The following RAD54B variants were observed in gnomAD, a reference collection of about 807,000 sequenced individuals.
RAD54B encodes the protein DNA repair and recombination protein RAD54B.
Under a neutral mutation model 95.8 loss-of-function variants are expected in RAD54B, and 78 were observed. The ratio of observed to expected loss-of-function variants is 0.81; its 90% CI spans 0.68 to 0.98. The LOEUF (loss-of-function observed/expected upper bound fraction) is 0.98. RAD54B is among the 50% of genes least tolerant of loss of function. The pLI is 0.00. For synonymous variants in RAD54B, 328 were observed against 354.9 expected, an observed-to-expected ratio of 0.92 and a Z score of 0.85; for missense variants, 957 against 1,056.6, an observed-to-expected ratio of 0.91 and a Z score of 1.31.
chr8:94,374,532 A>G (rs74552312), intron 14 of RAD54B, among the ~76,000 whole-genome samples: 264 of 152,330 alleles, frequency 1.7e-3, no homozygotes, highest in African/African-American at 6.1e-3. Flanking sequence ...TATGCTATTG[A>G]CAAGAGATAC....
intron 11 of RAD54B, among the ~76,000 whole-genome samples, chr8:94,381,908 T>C (rs1563635330): frequency 6.6e-6 from 1 of 152,068 alleles, no homozygotes; most frequent in South Asian, 2.1e-4. Flanking sequence ...GGTCAGAAGA[T>C]AGAGACCATC....
chr8:94,427,734 A>G (rs748167969), intron 3 of RAD54B: 137 of 980,898 alleles, frequency 1.4e-4, no homozygotes, highest in Non-Finnish European at 1.6e-4. Context: ...AGTATCTTGT[A>G]TTTAAAAGAA....
At chr8:94,467,361 T>C (rs762190023) in intron 2 of RAD54B, 44 bp downstream of exon 2, 7 of 1,465,344 alleles carry the variant, frequency 4.8e-6, no homozygotes, top group African/African-American at 1.4e-5. Flanking sequence ...TAAACATACA[T>C]GCTTCTCTAT....
chr8:94,434,675 T>C (rs1586020056), intron 3 of RAD54B, among the ~76,000 whole-genome samples: 1 of 151,278 alleles, frequency 6.6e-6, no homozygotes, highest in East Asian at 1.9e-4. Flanking sequence ...ATGATATCAA[T>C]CAAATAAATA....
At chr8:94,466,408 C>CTT (rs1194398092) in intron 2 of RAD54B, among the ~76,000 whole-genome samples, 2 of 142,896 alleles carry the variant, frequency 1.4e-5, no homozygotes, top group Non-Finnish European at 3.1e-5. Flanking sequence ...CCAGTATTCA[C>CTT]TTTTTTTTTT....
chr8:94,400,844 TTG>T (rs1811250456), intron 6 of RAD54B, among the ~76,000 whole-genome samples: 2 of 152,152 alleles, frequency 1.3e-5, no homozygotes, highest in Non-Finnish European at 2.9e-5. Flanking sequence ...AAATATATTG[TTG>T]TATTATATTT....
chr8:94,449,708 A>G (rs1812610828), intron 3 of RAD54B, among the ~76,000 whole-genome samples: 1 of 152,146 alleles, frequency 6.6e-6, no homozygotes, highest in Admixed American at 6.5e-5. Flanking sequence ...CAGTAGTTTC[A>G]AACATCCTTT....
chr8:94,431,974 T>A, intron 3 of RAD54B: 1 of 1,308,352 alleles, frequency 7.6e-7, no homozygotes, highest in Non-Finnish European at 9.7e-7. Flanking sequence ...TTTTAATATC[T>A]CAAAAGAAAA....
rs1249520684 is a variant in RAD54B at position 94,391,750 on chromosome 8, A to T, written c.1668T>A (p.Ile556=). ...VVFCRPGALQ[I]ELYRKLLNSQ... The stretch of plus-strand genomic sequence containing the variant: ...AATTTAACAGCTTTCGATAAAGCTC[A>T]ATCTGTAGTGCTCCTGGTCGGCAAA... Residue 556 remains isoleucine (I), a synonymous_variant, in exon 10 of 15, where the codon ATT becomes ATA. Coordinates refer to ENST00000336148, the MANE Select transcript of RAD54B (RefSeq NM_012415.3). 1.9e-6 allele frequency: 3 copies of T among 1,614,066 alleles called. No individual in the cohort carries two copies. The highest frequency in any genetic ancestry group is 1.1e-5 in the South Asian group (1 of 91,068).
chr8:94,430,975 A>C, intron 3 of RAD54B: 1 of 985,284 alleles, frequency 1.0e-6, no homozygotes, highest in Non-Finnish European at 1.2e-6. Flanking sequence ...TCTTTTTTCC[A>C]GCGTCTCACT....
chr8:94,396,924 T>C (rs370828763), intron 8 of RAD54B, among the ~76,000 whole-genome samples: 2 of 152,052 alleles, frequency 1.3e-5, no homozygotes, highest in Non-Finnish European at 2.9e-5. Flanking sequence ...CATGAGGACA[T>C]AGGGAGAAGG....
intron 4 of RAD54B, among the ~76,000 whole-genome samples, chr8:94,408,400 A>G (rs928031228): frequency 2.6e-5 from 4 of 152,172 alleles, no homozygotes; most frequent in African/African-American, 9.7e-5. Context: ...GGCATTTTAG[A>G]CTTCCATGCT....
At chr8:94,414,365 T>C (rs1355752662) in intron 3 of RAD54B, among the ~76,000 whole-genome samples, 1 of 152,194 alleles carries the variant, frequency 6.6e-6, no homozygotes. Flanking sequence ...AACACTATGT[T>C]GAATAGGAGT....
At chr8:94,468,715 G>C (rs976121473) in intron 1 of RAD54B, among the ~76,000 whole-genome samples, 2 of 152,042 alleles carry the variant, frequency 1.3e-5, no homozygotes, top group African/African-American at 2.4e-5. Flanking sequence ...TGTGGTCCCA[G>C]CTACTCTGGA....
intron 3 of RAD54B, among the ~76,000 whole-genome samples, chr8:94,441,988 AT>A (rs1339160012): frequency 1.3e-5 from 2 of 152,242 alleles, no homozygotes; most frequent in African/African-American, 4.8e-5. Flanking sequence ...AGGCAAAAAA[AT>A]CAACCTAAGT....
intron 8 of RAD54B, among the ~76,000 whole-genome samples, chr8:94,397,053 G>A (rs1381698952): frequency 6.6e-6 from 1 of 152,076 alleles, no homozygotes. Flanking sequence ...TTAGTCTGTG[G>A]TCTTTTGCTA....
chr8:94,425,061 C>CAAAAAAA (rs71273335), intron 3 of RAD54B, among the ~76,000 whole-genome samples: 885 of 82,124 alleles, frequency 0.011, 22 homozygotes, highest in African/African-American at 0.032. Context: ...GACCCCATCT[C>CAAAAAAA]AAAAAAAAAA....
At chr8:94,432,700 G>GA (rs1033718962) in intron 3 of RAD54B, 1 of 1,401,052 alleles carries the variant, frequency 7.1e-7, no homozygotes. Flanking sequence ...ATCAAATGAA[G>GA]AAAAAGTGTA....
chr8:94,464,667 G>A (rs1360912529), intron 2 of RAD54B, among the ~76,000 whole-genome samples: 1 of 152,192 alleles, frequency 6.6e-6, no homozygotes, highest in African/African-American at 2.4e-5. Context: ...CCACTGAGTT[G>A]TAGTAAGTAG....
Sources: gnomAD v4.1 joint callset for allele counts (sites outside exome capture counted in the v4.1 genomes callset) on GRCh38, gnomAD v4.1.1 for gene constraint, MANE v1.5 for transcripts, NCBI Gene and HGNC (gene_info 2026-07-23, HGNC 2026-07-21) for gene names.